FOXN4: variants seen among roughly 807,000 people sequenced by gnomAD.
FOXN4 encodes forkhead box protein N4.
A neutral mutation model predicts 45.0 loss-of-function variants in FOXN4; 12 were observed. That is an observed-to-expected ratio of 0.27 (90% CI 0.17 to 0.43). The LOEUF (loss-of-function observed/expected upper bound fraction) is 0.43, where lower values mean the gene tolerates loss of function less well. Ranked by LOEUF, FOXN4 falls within the 20% of genes least tolerant of loss-of-function variation. FOXN4 has a pLI of 1.00. For synonymous variants in FOXN4, 297 were observed against 295.0 expected, an observed-to-expected ratio of 1.01 and a Z score of -0.07; for missense variants, 560 against 694.9, an observed-to-expected ratio of 0.81 and a Z score of 2.18.
intron 2 of FOXN4, among the ~76,000 whole-genome samples, chr12:109,300,700 G>A (rs1471590209): frequency 6.6e-6 from 1 of 152,148 alleles, no homozygotes; most frequent in Non-Finnish European, 1.5e-5. Context: ...CTTGAGGCCA[G>A]GAGTTCAAGA....
At chr12:109,285,272 T>TGTGTGC in intron 8 of FOXN4, 32 bp downstream of exon 8, 2 of 1,502,476 alleles carry the variant, frequency 1.3e-6, no homozygotes, top group Non-Finnish European at 1.8e-6. Flanking sequence ...TGTGTGTGTG[T>TGTGTGC]GTGCGCGCAC....
chr12:109,303,796 AATAAT>A (rs1352330163), intron 2 of FOXN4, among the ~76,000 whole-genome samples: 4 of 152,178 alleles, frequency 2.6e-5, no homozygotes, highest in Non-Finnish European at 5.9e-5. Context: ...GCAGGTGATT[AATAAT>A]ATAAGTTCTG....
chr12:109,283,405 T>C (rs966338674), intron 8 of FOXN4, among the ~76,000 whole-genome samples: 1 of 152,116 alleles, frequency 6.6e-6, no homozygotes, highest in South Asian at 2.1e-4. Flanking sequence ...TGGATATATA[T>C]GTATTTTAAA....
intron 2 of FOXN4, among the ~76,000 whole-genome samples, chr12:109,296,376 C>A (rs1233300618): frequency 6.6e-6 from 1 of 152,236 alleles, no homozygotes; most frequent in East Asian, 1.9e-4. Context: ...TCCTTCCCCC[C>A]TTCTCTGTGT....
intron 8 of FOXN4, among the ~76,000 whole-genome samples, chr12:109,284,535 C>T (rs543267740): frequency 3.6e-4 from 55 of 151,796 alleles, no homozygotes; most frequent in Non-Finnish European, 7.4e-4. Flanking sequence ...CCAGGTCCTT[C>T]CTCTTCCACT....
chr12:109,285,227 C>G, intron 8 of FOXN4, 77 bp downstream of exon 8: 1 of 1,516,176 alleles, frequency 6.6e-7, no homozygotes, highest in Non-Finnish European at 8.9e-7. Context: ...TGGATGTCGG[C>G]CAGGTCCTTC....
intron 8 of FOXN4, among the ~76,000 whole-genome samples, chr12:109,283,070 T>A (rs2047668148): frequency 6.6e-6 from 1 of 152,082 alleles, no homozygotes; most frequent in South Asian, 2.1e-4. Context: ...CGCATGGTGA[T>A]ACCCAACAGA....
chr12:109,305,637 G>T (rs1178187017), intron 2 of FOXN4, among the ~76,000 whole-genome samples: 1 of 152,186 alleles, frequency 6.6e-6, no homozygotes, highest in Non-Finnish European at 1.5e-5. Flanking sequence ...GGCTGAGGCA[G>T]GAGAATTGCT....
intron 2 of FOXN4, among the ~76,000 whole-genome samples, chr12:109,305,142 T>C (rs1046849555): frequency 1.3e-5 from 2 of 152,128 alleles, no homozygotes; most frequent in Admixed American, 1.3e-4. Flanking sequence ...ACTCTCAGGG[T>C]GCAACCACTT....
In FOXN4 at chr12:109,291,785, C is replaced by CGGCCG. The variant is rs772094491; in HGVS notation, c.87-1504_87-1500dup. Among the ~76,000 whole-genome samples the CGGCCG allele has an allele frequency of 2.0e-4, 31 of 152,180 alleles. No individual in the cohort carries two copies. The highest frequency in any genetic ancestry group is 3.4e-4 in the Non-Finnish European group (23 of 68,004). ...CCTGGAAACGATTTGAAAACGCGGCCGGCCGGCCGTGTCAGTGGCAGCAGT... is the reference window on the plus strand; with the variant it reads ...CCTGGAAACGATTTGAAAACGCGGCCGGCCGGGCCGGCCGTGTCAGTGGCAGCAGT... On this transcript the variant is annotated intron_variant, in intron 2 of 9. Transcript: ENST00000299162. This position sits in a 1 kb window ranked among gnomAD's most constrained non-coding sequence, Gnocchi z 6.6.
chr12:109,298,711 C>A (rs182227383), intron 2 of FOXN4, among the ~76,000 whole-genome samples: 3 of 152,244 alleles, frequency 2.0e-5, no homozygotes, highest in East Asian at 3.9e-4. Flanking sequence ...GTGGGAGAAA[C>A]CTGCAGGTGA....
At chr12:109,294,303 C>A (rs2047796676) in intron 2 of FOXN4, among the ~76,000 whole-genome samples, 1 of 152,222 alleles carries the variant, frequency 6.6e-6, no homozygotes, top group African/African-American at 2.4e-5. Flanking sequence ...TCCTTGTAAC[C>A]CCTGAGCTGC....
rs528055691 is a variant in FOXN4 at position 109,301,242 on chromosome 12, G to A, written c.86+6994C>T. ...ATGCCCTTTGAACCCCAGCATCCTC[G>A]TGTGCCGAACAGAGGTGAGAACAGA... On this transcript the variant is annotated intron_variant, in intron 2 of 9. Coordinates refer to ENST00000299162, the MANE Select transcript of FOXN4 (RefSeq NM_213596.3). Among the ~76,000 whole-genome samples the A allele has an allele frequency of 5.3e-5, 8 of 152,280 alleles. No individual in the cohort carries two copies. The South Asian group carries it at 8.3e-4, about 16-fold the overall frequency.
chr12:109,306,817 T>C (rs1473058428), intron 2 of FOXN4, among the ~76,000 whole-genome samples: 1 of 152,244 alleles, frequency 6.6e-6, no homozygotes. Flanking sequence ...GGGATTATAA[T>C]GGACTTGAGA....
intron 9 of FOXN4, 47 bp from the exon 10 acceptor site, chr12:109,279,977 A>G: frequency 3.1e-6 from 5 of 1,606,938 alleles, no homozygotes; most frequent in Non-Finnish European, 4.3e-6. Flanking sequence ...CCATCAAATG[A>G]CCTGAGTTCG....
Position 109,279,684 on chromosome 12 carries a change from A to G in FOXN4, c.1541T>C (p.Ile514Thr). Residue 514 changes from isoleucine to threonine, a missense_variant, in exon 10 of 10, where the codon ATA becomes ACA. Ile to Thr is a moderately conservative substitution (Grantham distance 89, BLOSUM62 -1). This residue lies in a region of FOXN4 where 315 missense variants were observed against 350.5 expected (regional missense o/e 0.90). Coordinates refer to ENST00000299162, the MANE Select transcript of FOXN4 (RefSeq NM_213596.3). ...QYLGAQGNKP[I>T]ALL The stretch of plus-strand genomic sequence containing the variant: ...GAGGCTGACAGCTCAAAGCAGGGCT[A>G]TAGGCTTGTTCCCCTGTGCACCCAG... 6.4e-7 allele frequency: 1 copy of G among 1,574,164 alleles called. No homozygotes were observed. Among genetic ancestry groups the G allele is most frequent in the Non-Finnish European group, 8.6e-7 (1 of 1,160,180 alleles).
intron 2 of FOXN4, among the ~76,000 whole-genome samples, chr12:109,301,129 C>T (rs574195485): frequency 2.6e-5 from 4 of 152,162 alleles, no homozygotes; most frequent in South Asian, 2.1e-4. Context: ...GGAAAGAAAC[C>T]GGCAGGGAAC....
In FOXN4 at chr12:109,290,341, G is replaced by C. The variant is rs1333274789; in HGVS notation, c.87-55C>G. 2 of 1,493,110 alleles carry C rather than the reference G, an allele frequency of 1.3e-6. No homozygotes were observed. The highest frequency in any genetic ancestry group is 2.8e-5 in the African/African-American group (2 of 71,562). 92.5% of individuals were successfully genotyped at this position (1,493,110 alleles called of 1,614,324 possible). ...GAGGGGGAGCTTAGGCCAGCTCCTG[G>C]GGGTGCGTCCCGACCTCTGGAAGCA... On this transcript the variant is annotated intron_variant, in intron 2 of 9. Transcript: ENST00000299162. This position sits in a 1 kb window ranked among gnomAD's most constrained non-coding sequence, Gnocchi z 5.1.
intron 2 of FOXN4, among the ~76,000 whole-genome samples, chr12:109,297,871 C>A (rs967009978): frequency 4.6e-5 from 7 of 152,110 alleles, no homozygotes; most frequent in African/African-American, 1.7e-4. Flanking sequence ...ATCAAATGTA[C>A]AGATTTGGTT....
Sources: allele counts gnomAD v4.1 joint callset (sites outside exome capture counted in the v4.1 genomes callset), GRCh38; gene constraint gnomAD v4.1.1; regional missense constraint gnomAD v4.1.1; non-coding constraint Gnocchi (gnomAD v3.1); transcripts MANE v1.5; gene names NCBI Gene and HGNC (gene_info 2026-07-23, HGNC 2026-07-21).